GRK2: variants seen among roughly 807,000 people sequenced by gnomAD.
The protein encoded by GRK2 is G protein-coupled receptor kinase 2, also known as adrenergic beta receptor kinase 1.
A neutral mutation model predicts 97.8 loss-of-function variants in GRK2; 23 were observed. The observed-to-expected ratio is 0.24, with a 90% CI of 0.17 to 0.33. The LOEUF (loss-of-function observed/expected upper bound fraction) is 0.33. Ranked by LOEUF, GRK2 falls within the 10% of genes least tolerant of loss-of-function variation. The pLI is 1.00. For missense variants in GRK2, 633 were observed against 956.9 expected, an observed-to-expected ratio of 0.66 and a Z score of 4.47; for synonymous variants, 425 against 381.7, an observed-to-expected ratio of 1.11 and a Z score of -1.32.
In GRK2 at chr11:67,282,359, C is replaced by G; in HGVS notation, c.1046C>G (p.Ala349Gly). Residue 349 changes from alanine (A) to glycine (G), a missense_variant, in exon 12 of 21, where the codon GCC (alanine) becomes GGC (glycine). By Grantham distance (60) the Ala-to-Gly change is moderately conservative. Coordinates refer to ENST00000308595, the MANE Select transcript of GRK2 (RefSeq NM_001619.5). The surrounding 1 kb of genome is among the most constrained non-coding windows in gnomAD (Gnocchi z 6.9). ...GACTTCTCCAAGAAGAAGCCCCATG[C>G]CAGCGTGTGAGTGCCCCCCACCCTC... The part of the protein sequence containing the change: ...ACDFSKKKPH[A>G]SVGTHGYMAP... 2 of 1,613,492 alleles carry G rather than the reference C, an allele frequency of 1.2e-6. No individual in the cohort carries two copies. Among genetic ancestry groups the G allele is most frequent in the Non-Finnish European group, 1.7e-6 (2 of 1,179,888 alleles).
chr11:67,275,950 CAG>C (rs1283013116), intron 1 of GRK2, among the ~76,000 whole-genome samples: 2 of 152,150 alleles, frequency 1.3e-5, no homozygotes, highest in East Asian at 1.9e-4. Flanking sequence ...CACAGTGCCT[CAG>C]GGGTAGATGT....
rs1381207284 is a variant in GRK2, at chr11:67,282,399, T to G, written c.1052+34T>G. The G allele has an allele frequency of 9.2e-7, 1 of 1,090,030 alleles. No homozygotes were observed. The highest frequency in any genetic ancestry group is 4.6e-5 in the East Asian group (1 of 21,666). The allele number at this position is 1,090,030 out of a possible 1,614,324, so 67.5% of individuals were successfully genotyped here. On this transcript the variant is annotated intron_variant, in intron 12 of 20. Coordinates refer to ENST00000308595, the MANE Select transcript of GRK2 (RefSeq NM_001619.5). This position sits in a 1 kb window ranked among gnomAD's most constrained non-coding sequence, Gnocchi z 6.9. ...CCCCCACCCTCTCCCTCCCCACCCCTTGCCACTCCCGCTTATGGCCCCCTT... is the reference window on the plus strand; with the variant it reads ...CCCCCACCCTCTCCCTCCCCACCCCGTGCCACTCCCGCTTATGGCCCCCTT...
Position 67,286,227 on chromosome 11 carries a change from C to G in GRK2, c.*777C>G, listed in dbSNP as rs750184188. On this transcript the variant is annotated 3_prime_UTR_variant, in exon 21 of 21. Transcript: ENST00000308595. ...TGGGTGCGACCCCATCTGCCCAGGA[C>G]GGGGCCGGCCAGGTGGGCGGGCAGC... 3.5e-5 allele frequency: 20 copies of G among 576,916 alleles called. No individual in the cohort carries two copies. Among genetic ancestry groups the G allele is most frequent in the Non-Finnish European group, 5.5e-5 (18 of 326,190 alleles). 35.7% of individuals were successfully genotyped at this position (576,916 alleles called of 1,614,324 possible). A position where few individuals can be genotyped will look rare whatever the true frequency, so the allele number is the denominator to read the frequency against.
rs759138212 is a variant in GRK2, at chr11:67,277,240, G to T, written c.114-32G>T. The T allele has an allele frequency of 8.1e-6, 13 of 1,610,856 alleles. 1 individual carries two copies. The South Asian group carries it at 1.3e-4, about 16-fold the overall frequency. On this transcript the variant is annotated intron_variant, in intron 1 of 20. Coordinates refer to ENST00000308595, the MANE Select transcript of GRK2 (RefSeq NM_001619.5). ...CCTGCAGCCCCCACGGGCTCTGGGG[G>T]CTTCTGCTTACTGCGCCCCCCTGAC...
Position 67,279,850 on chromosome 11 carries a change from A to G in GRK2, c.453A>G (p.Glu151=), listed in dbSNP as rs776703373. 1.2e-6 allele frequency: 2 copies of G among 1,613,940 alleles called. No homozygotes were observed. Among genetic ancestry groups the G allele is most frequent in the Non-Finnish European group, 1.7e-6 (2 of 1,179,916 alleles). The change falls in exon 6 of 21, where the codon GAA becomes GAG. Residue 151 remains glutamate (E), a synonymous_variant. Coordinates refer to ENST00000308595, the MANE Select transcript of GRK2 (RefSeq NM_001619.5). ...GCTTCCTCCCTTAGCCATACATCGA[A>G]GAGATTTGTCAAAACCTCCGAGGGG... is the stretch of plus-strand genomic sequence containing the variant. ...VPPDLFQPYI[E]EICQNLRGDV... is the part of the protein sequence containing the mutation.
chr11:67,280,434 A>C (rs867898648), intron 6 of GRK2: 1 of 507,154 alleles, frequency 2.0e-6, no homozygotes, highest in Admixed American at 3.4e-5. Context: ...TGTCAAGGAT[A>C]TGGTAGCAGG....
rs372588340 is a variant in GRK2, at chr11:67,282,395, C to T, written c.1052+30C>T. ...GTGCCCCCCACCCTCTCCCTCCCCA[C>T]CCCTTGCCACTCCCGCTTATGGCCC... On this transcript the variant is annotated intron_variant, in intron 12 of 20. Coordinates refer to ENST00000308595, the MANE Select transcript of GRK2 (RefSeq NM_001619.5). This position sits in a 1 kb window ranked among gnomAD's most constrained non-coding sequence, Gnocchi z 6.9. The T allele has an allele frequency of 1.1e-5, 17 of 1,610,716 alleles. No homozygotes were observed. The highest frequency in any genetic ancestry group is 2.7e-5 in the African/African-American group (2 of 74,874).
chr11:67,270,581 G>T (rs1457899600), intron 1 of GRK2, among the ~76,000 whole-genome samples: 2 of 152,186 alleles, frequency 1.3e-5, no homozygotes, highest in Non-Finnish European at 2.9e-5. Flanking sequence ...TGCAGCACCA[G>T]CTGAAACCCT....
In GRK2 at chr11:67,266,632, C is replaced by G; in HGVS notation, c.-68C>G. On this transcript the variant is annotated 5_prime_UTR_variant, in exon 1 of 21. Transcript: ENST00000308595. Reference sequence around the variant, plus strand: ...CGAGCGAGCCGCGGCCGGGCCGGGCCGAGCGCCGAGCGAGCAGGAGCGGCG... The same window carrying G: ...CGAGCGAGCCGCGGCCGGGCCGGGCGGAGCGCCGAGCGAGCAGGAGCGGCG... The G allele has an allele frequency of 1.4e-6, 1 of 699,370 alleles. No individual in the cohort carries two copies. The highest frequency in any genetic ancestry group is 1.8e-6 in the Non-Finnish European group (1 of 567,006). The allele number at this position is 699,370 out of a possible 1,614,324, so 43.3% of individuals were successfully genotyped here.
In GRK2 at chr11:67,276,125, G is replaced by A. The variant is rs1292057921; in HGVS notation, c.114-1147G>A. ...TCTCCACCAGCTGCAGTCATTTCACGGGAGGCCTGCTGGTGGCCCCATAGA... is the reference window on the plus strand; with the variant it reads ...TCTCCACCAGCTGCAGTCATTTCACAGGAGGCCTGCTGGTGGCCCCATAGA... On this transcript the variant is annotated intron_variant, in intron 1 of 20. Transcript: ENST00000308595. The surrounding 1 kb of genome is among the most constrained non-coding windows in gnomAD (Gnocchi z 4.2). Among the ~76,000 whole-genome samples the A allele has an allele frequency of 1.3e-5, 2 of 152,202 alleles. No homozygotes were observed. The highest frequency in any genetic ancestry group is 1.5e-5 in the Non-Finnish European group (1 of 68,030).
chr11:67,280,221 G>A (rs1345225194), intron 6 of GRK2: 1 of 437,078 alleles, frequency 2.3e-6, no homozygotes, highest in African/African-American at 2.0e-5. Flanking sequence ...CCTGGACTGA[G>A]AAGCATCAGA....
chr11:67,283,983 C>T, intron 17 of GRK2, 34 bp downstream of exon 17: 2 of 1,548,988 alleles, frequency 1.3e-6, no homozygotes, highest in Non-Finnish European at 8.8e-7. Context: ...TGTACCTAGG[C>T]TGTGATCCTG....
Position 67,282,952 on chromosome 11 carries a change from C to G in GRK2, c.1227+134C>G, listed in dbSNP as rs1860187333. On this transcript the variant is annotated intron_variant, in intron 14 of 20. Transcript: ENST00000308595. The surrounding 1 kb of genome is among the most constrained non-coding windows in gnomAD (Gnocchi z 6.9). The stretch of plus-strand genomic sequence containing the variant: ...CCCTACTCTGGCCTCTGAGACAGAC[C>G]TCCTGCCCCATAGGCTCTCGCCCTC... The G allele has an allele frequency of 1.7e-6, 2 of 1,182,822 alleles. No homozygotes were observed. Among genetic ancestry groups the G allele is most frequent in the East Asian group, 4.9e-5 (2 of 40,718 alleles). The allele number at this position is 1,182,822 out of a possible 1,614,324, so 73.3% of individuals were successfully genotyped here.
chr11:67,277,135 G>A (rs977391317), intron 1 of GRK2, 137 bp from the exon 2 acceptor site: 18 of 725,272 alleles, frequency 2.5e-5, no homozygotes, highest in East Asian at 2.4e-4. Flanking sequence ...GCTGGGATAA[G>A]TGAGTAGGCC....
In GRK2 at chr11:67,281,635, C is replaced by T. The variant is rs759787899; in HGVS notation, c.748-15C>T. ...CTGCTAACTGCCCGCCCCCTCCCCTCCTCTCCCCTCCTAGGACTGCCCATT... is the reference window on the plus strand; with the variant it reads ...CTGCTAACTGCCCGCCCCCTCCCCTTCTCTCCCCTCCTAGGACTGCCCATT... On this transcript the variant is annotated splice_polypyrimidine_tract_variant and intron_variant, in intron 9 of 20. Coordinates refer to ENST00000308595, the MANE Select transcript of GRK2 (RefSeq NM_001619.5). This position sits in a 1 kb window ranked among gnomAD's most constrained non-coding sequence, Gnocchi z 5.7. 2.5e-6 allele frequency: 4 copies of T among 1,597,434 alleles called. No homozygotes were observed. In the South Asian group the frequency reaches 3.3e-5, roughly 13 times the overall value.
In GRK2 at chr11:67,269,140, T is replaced by C. The variant is rs1214519892; in HGVS notation, c.113+2328T>C. Among the ~76,000 whole-genome samples the C allele has an allele frequency of 6.6e-6, 1 of 152,238 alleles. No homozygotes were observed. Among genetic ancestry groups the C allele is most frequent in the Non-Finnish European group, 1.5e-5 (1 of 68,036 alleles). On this transcript the variant is annotated intron_variant, in intron 1 of 20. Coordinates refer to ENST00000308595, the MANE Select transcript of GRK2 (RefSeq NM_001619.5). This position sits in a 1 kb window ranked among gnomAD's most constrained non-coding sequence, Gnocchi z 4.1. Reference sequence around the variant, plus strand: ...ATTAGGGAGCAGGCCACCCTTTGCATAACGCCTTGCCTTGCACACCCAGTG... The same window carrying C: ...ATTAGGGAGCAGGCCACCCTTTGCACAACGCCTTGCCTTGCACACCCAGTG...
chr11:67,274,798 G>A (rs146749330), intron 1 of GRK2, among the ~76,000 whole-genome samples: 79 of 152,194 alleles, frequency 5.2e-4, no homozygotes, highest in African/African-American at 1.8e-3. Context: ...CCCACATGCC[G>A]GGAAACATGT....
intron 6 of GRK2, chr11:67,280,327 C>T (rs1406114471): frequency 5.4e-6 from 2 of 370,588 alleles, no homozygotes; most frequent in Non-Finnish European, 1.0e-5. Flanking sequence ...AGATTTCAGC[C>T]AGCTTTAGGG....
chr11:67,279,646 T>C lies in GRK2; in HGVS notation c.387T>C (p.Thr129=). ...ACSHPFSKSA[T]EHVQGHLGKK... is the part of the protein sequence containing the mutation. ...CCCAGCCCTTCTCGAAGAGTGCCAC[T>C]GAGCATGTCCAAGGCCACCTGGGGA... The change falls in exon 5 of 21, where the codon ACT becomes ACC. Residue 129 remains threonine, a synonymous_variant. Coordinates refer to ENST00000308595, the MANE Select transcript of GRK2 (RefSeq NM_001619.5). 1 of 1,613,582 alleles carries C rather than the reference T, an allele frequency of 6.2e-7. No homozygotes were observed. Among genetic ancestry groups the C allele is most frequent in the South Asian group, 1.1e-5 (1 of 91,074 alleles).
Sources: allele counts gnomAD v4.1 joint callset (sites outside exome capture counted in the v4.1 genomes callset), GRCh38; gene constraint gnomAD v4.1.1; non-coding constraint Gnocchi (gnomAD v3.1); transcripts MANE v1.5; gene names NCBI Gene and HGNC (gene_info 2026-07-23, HGNC 2026-07-21).